The following ZFHX3 variants were observed in gnomAD, a reference collection of about 807,000 sequenced individuals.
ZFHX3 encodes zinc finger homeobox 3.
In ZFHX3, 42 loss-of-function variants were observed where a neutral mutation model predicts 279.1. The ratio of observed to expected loss-of-function variants is 0.15; its 90% CI spans 0.12 to 0.19. The LOEUF (loss-of-function observed/expected upper bound fraction) is 0.19, where lower values mean the gene tolerates loss of function less well. ZFHX3 is among the 10% of genes least tolerant of loss of function. The pLI is 1.00. For missense variants in ZFHX3, 4,981 were observed against 4,754.0 expected, an observed-to-expected ratio of 1.05 and a Z score of -1.40; for synonymous variants, 2,293 against 1,957.8, an observed-to-expected ratio of 1.17 and a Z score of -4.52.
chr16:73,300,705 T>C (rs1383656556), intron 4 of ZFHX3, among the ~76,000 whole-genome samples: 1 of 152,208 alleles, frequency 6.6e-6, no homozygotes, highest in Admixed American at 6.5e-5. Flanking sequence ...AGTTTTGCCA[T>C]GTTGGCCAGG....
At position 72,797,279 on chromosome 16, in the gene ZFHX3, G is replaced by A. The variant is rs2035941538; in HGVS notation, c.5403C>T (p.Tyr1801=). The change falls in exon 9 of 10, where the codon TAC becomes TAT. Residue 1801 remains tyrosine, a synonymous_variant. Transcript: ENST00000268489. ...TAAGCTGGAACTCAGCACTGGGGAT[G>A]TAGAAAGGGAAGAGGAGGTGCTGCT... ...QQQQHLLFPF[Y]IPSAEFQLNP... is the part of the protein sequence containing the mutation. 1.2e-6 allele frequency: 2 copies of A among 1,610,952 alleles called. No individual in the cohort carries two copies. The highest frequency in any genetic ancestry group is 1.7e-6 in the Non-Finnish European group (2 of 1,178,030).
chr16:73,070,545 C>T (rs1260981098), intron 8 of ZFHX3, among the ~76,000 whole-genome samples: 2 of 152,172 alleles, frequency 1.3e-5, no homozygotes, highest in African/African-American at 2.4e-5. Flanking sequence ...CACCTTGTCG[C>T]AGACGTGAAA....
At chr16:73,262,289 C>G (rs573308673) in intron 4 of ZFHX3, among the ~76,000 whole-genome samples, 1 of 152,290 alleles carries the variant, frequency 6.6e-6, no homozygotes, top group African/African-American at 2.4e-5. Context: ...ATTTAAGGAG[C>G]AGACTTAAGG....
intron 8 of ZFHX3, among the ~76,000 whole-genome samples, chr16:73,078,265 C>T (rs1231995684): frequency 6.6e-6 from 1 of 152,178 alleles, no homozygotes; most frequent in Non-Finnish European, 1.5e-5. Flanking sequence ...TTCATAAAAA[C>T]CCAACATTTT....
At chr16:73,513,091 G>A (rs1352090631) in intron 2 of ZFHX3, among the ~76,000 whole-genome samples, 1 of 152,200 alleles carries the variant, frequency 6.6e-6, no homozygotes, top group African/African-American at 2.4e-5. Context: ...TATCATTACT[G>A]TAATGGCTGG....
At chr16:73,403,714 C>T (rs1414621804) in intron 3 of ZFHX3, among the ~76,000 whole-genome samples, 1 of 152,154 alleles carries the variant, frequency 6.6e-6, no homozygotes, top group Non-Finnish European at 1.5e-5. Flanking sequence ...CGGTGGCGAA[C>T]ACATCCAAAT....
rs531853432 is a variant in ZFHX3, at chr16:73,359,522, G to A, written c.-1290-41186C>T. On this transcript the variant is annotated intron_variant, in intron 3 of 17. Coordinates refer to the ZFHX3 transcript ENST00000641206. ...GCTGCAAACAGGAGAGTTTAGAGGCGGAAGAACCTGAAGGCTGAGAGGTGC... is the reference window on the plus strand; with the variant it reads ...GCTGCAAACAGGAGAGTTTAGAGGCAGAAGAACCTGAAGGCTGAGAGGTGC... Among the ~76,000 whole-genome samples the A allele has an allele frequency of 6.9e-4, 105 of 152,282 alleles. 1 individual carries two copies. The highest frequency in any genetic ancestry group is 6.8e-3 in the Middle Eastern group (2 of 294).
chr16:72,813,945 A>C (rs1345586022), intron 5 of ZFHX3, among the ~76,000 whole-genome samples: 1 of 152,110 alleles, frequency 6.6e-6, no homozygotes, highest in Non-Finnish European at 1.5e-5. Context: ...GTCCTTAATT[A>C]ATGTTTCAGG....
chr16:72,819,660 G>A (rs1446133221), intron 5 of ZFHX3, among the ~76,000 whole-genome samples: 1 of 152,206 alleles, frequency 6.6e-6, no homozygotes, highest in African/African-American at 2.4e-5. Flanking sequence ...GGCCCAGCAA[G>A]CATGGGCCAA....
intron 3 of ZFHX3, chr16:73,401,727 T>C (rs754989924): frequency 8.5e-5 from 13 of 152,192 alleles, no homozygotes; most frequent in Non-Finnish European, 1.5e-4. Context: ...TTATTATTAT[T>C]TCTAAAATGT....
intron 3 of ZFHX3, among the ~76,000 whole-genome samples, chr16:73,371,292 GCGAGACTCCATCT>G (rs2016624664): frequency 6.6e-6 from 1 of 151,912 alleles, no homozygotes; most frequent in South Asian, 2.1e-4. Flanking sequence ...GGGCAACAGA[GCGAGACTCCATCT>G]CAAAACAAAA....
chr16:73,806,111 C>T (rs1169632296), intron 1 of ZFHX3, among the ~76,000 whole-genome samples: 1 of 152,192 alleles, frequency 6.6e-6, no homozygotes. Flanking sequence ...CCTATAAAAC[C>T]ATCAGCTCTT....
At chr16:72,975,592 A>C (rs1168617286) in intron 1 of ZFHX3, among the ~76,000 whole-genome samples, 1 of 152,228 alleles carries the variant, frequency 6.6e-6, no homozygotes, top group Non-Finnish European at 1.5e-5. Context: ...GTTACTTTTA[A>C]TCAAGAAATC....
chr16:73,839,745 G>T (rs1018635429), intron 1 of ZFHX3, among the ~76,000 whole-genome samples: 1 of 152,214 alleles, frequency 6.6e-6, no homozygotes, highest in Admixed American at 6.5e-5. Flanking sequence ...ATTTAGCCAA[G>T]ATCTCTCAGC....
intron 8 of ZFHX3, among the ~76,000 whole-genome samples, chr16:73,084,066 A>G (rs749659934): frequency 4.6e-5 from 7 of 152,246 alleles, no homozygotes; most frequent in Non-Finnish European, 8.8e-5. Context: ...ATTCTGATAA[A>G]TATTTGGCAA....
Position 73,086,367 on chromosome 16 carries a change from G to C in ZFHX3, c.-533+6868C>G, listed in dbSNP as rs780356410. Among the ~76,000 whole-genome samples, 82 of 152,072 alleles carry C rather than the reference G, an allele frequency of 5.4e-4. 1 individual carries two copies. The highest frequency in any genetic ancestry group is 1.8e-3 in the African/African-American group (73 of 41,400). ...ACAGTGCCACTGGTGGGTGTATGTC[G>C]CAAAGAAAGGAAATCAGTATATTGA... On this transcript the variant is annotated intron_variant, in intron 8 of 17. Coordinates refer to the ZFHX3 transcript ENST00000641206.
At chr16:73,677,239 T>C (rs527529572) in intron 2 of ZFHX3, among the ~76,000 whole-genome samples, 66 of 150,792 alleles carry the variant, frequency 4.4e-4, no homozygotes, top group Admixed American at 1.9e-3. Context: ...AATAACATGA[T>C]GTCATAAAAT....
At chr16:72,922,719 A>C (rs1244126233) in intron 3 of ZFHX3, among the ~76,000 whole-genome samples, 1 of 152,214 alleles carries the variant, frequency 6.6e-6, no homozygotes, top group Non-Finnish European at 1.5e-5. Context: ...ATGAATCATA[A>C]AACATTTGTT....
At chr16:73,141,533 G>C (rs1055344337) in intron 6 of ZFHX3, among the ~76,000 whole-genome samples, 2 of 151,996 alleles carry the variant, frequency 1.3e-5, no homozygotes, top group Non-Finnish European at 2.9e-5. Flanking sequence ...GAGTAGCAGG[G>C]ACTACAGCTG....
Sources: allele counts gnomAD v4.1 joint callset (sites outside exome capture counted in the v4.1 genomes callset), GRCh38; gene constraint gnomAD v4.1.1; transcripts MANE v1.5; gene names NCBI Gene and HGNC (gene_info 2026-07-23, HGNC 2026-07-21).